Variants in RGS22 observed in about 807,000 individuals in gnomAD.
RGS22 encodes regulator of G-protein signaling 22.
A neutral mutation model predicts 172.9 loss-of-function variants in RGS22; 148 were observed. The ratio of observed to expected loss-of-function variants is 0.86; its 90% CI spans 0.75 to 0.98. The LOEUF is 0.98. Ranked by LOEUF, RGS22 falls within the 50% of genes least tolerant of loss-of-function variation. The probability of loss-of-function intolerance (pLI) is 0.00; values close to 1 mark genes in which losing one functional copy is unlikely to be tolerated. For synonymous variants in RGS22, 458 were observed against 480.2 expected (o/e 0.95, Z 0.60); for missense variants, 1,347 against 1,440.8 (o/e 0.93, Z 1.05).
intron 3 of RGS22, among the ~76,000 whole-genome samples, chr8:100,086,989 G>A (rs16897936): frequency 0.013 from 1,981 of 152,158 alleles, 38 homozygotes; most frequent in African/African-American, 0.041. Context: ...GGTGCCAGCC[G>A]TCTGTGTTTG....
At chr8:100,008,707 A>C (rs2131370503) in intron 14 of RGS22, 138 bp from the exon 15 acceptor site, 1 of 611,088 alleles carries the variant, frequency 1.6e-6, no homozygotes, top group Non-Finnish European at 2.8e-6. Context: ...AATATGGGTA[A>C]AACTACTTAA....
chr8:100,068,703 G>A (rs774170924), intron 6 of RGS22, among the ~76,000 whole-genome samples: 2 of 152,132 alleles, frequency 1.3e-5, no homozygotes, highest in Non-Finnish European at 2.9e-5. Context: ...AGGCTGAGGT[G>A]AGTGAATTGC....
chr8:100,051,514 T>C lies in RGS22; in HGVS notation c.1689+1288A>G, dbSNP rs1202410739. ...ATAATATATAATAAATATATATAAA[T>C]ATATTTTTATATATTTATACATATA... On this transcript the variant is annotated intron_variant, in intron 10 of 27. Transcript: ENST00000360863. Among the ~76,000 whole-genome samples, 2 of 108,568 alleles carry C rather than the reference T, an allele frequency of 1.8e-5. 1 individual carries two copies. Among genetic ancestry groups the C allele is most frequent in the Non-Finnish European group, 3.4e-5 (2 of 58,112 alleles). 71.2% of individuals were successfully genotyped at this position (108,568 alleles called of 152,430 possible). A position where few individuals can be genotyped will look rare whatever the true frequency, so the allele number is the denominator to read the frequency against.
chr8:100,015,615 C>T (rs79115923), intron 14 of RGS22, among the ~76,000 whole-genome samples: 2,920 of 152,162 alleles, frequency 0.019, 43 homozygotes, highest in Non-Finnish European at 0.032. Flanking sequence ...TAATAATATA[C>T]CATTCATAGT....
chr8:100,070,986 T>C (rs1393952951), intron 6 of RGS22, among the ~76,000 whole-genome samples: 4 of 141,200 alleles, frequency 2.8e-5, no homozygotes, highest in Non-Finnish European at 4.7e-5. Flanking sequence ...ACAAATGCTT[T>C]AAATGAGAAA....
At chr8:100,029,684 C>T (rs1288385788) in intron 14 of RGS22, among the ~76,000 whole-genome samples, 2 of 93,458 alleles carry the variant, frequency 2.1e-5, no homozygotes, top group African/African-American at 8.9e-5. Context: ...GCCTGGGCAA[C>T]AAGGCGAAAC....
In RGS22 at chr8:99,992,363, A is replaced by G. The variant is rs1404679522; in HGVS notation, c.3018+4099T>C. The stretch of plus-strand genomic sequence containing the variant: ...CAAGACCCATCAGTGTGCTGTATTC[A>G]GGAGACCCATCTCACATGCAAAGAC... On this transcript the variant is annotated intron_variant, in intron 20 of 27. Coordinates refer to ENST00000360863, the MANE Select transcript of RGS22 (RefSeq NM_015668.5). 2.0e-5 allele frequency among the ~76,000 whole-genome samples: 3 copies of G among 152,342 alleles called. No homozygotes were observed. The East Asian group carries it at 5.8e-4, about 29-fold the overall frequency.
intron 3 of RGS22, chr8:100,093,137 G>A (rs1055690642): frequency 3.4e-4 from 71 of 206,480 alleles, no homozygotes; most frequent in Middle Eastern, 1.9e-3. Flanking sequence ...GCATTCCAGC[G>A]TGGGCGACAG....
At chr8:100,011,890 A>G (rs1032188218) in intron 14 of RGS22, among the ~76,000 whole-genome samples, 1 of 152,178 alleles carries the variant, frequency 6.6e-6, no homozygotes, top group Non-Finnish European at 1.5e-5. Flanking sequence ...AAAACAATGG[A>G]AAGTACAAAT....
chr8:100,034,920 C>T (rs1819272864), intron 14 of RGS22, among the ~76,000 whole-genome samples: 1 of 152,154 alleles, frequency 6.6e-6, no homozygotes, highest in African/African-American at 2.4e-5. Context: ...AAAGCTGAAA[C>T]TGGATCCCCT....
chr8:100,033,398 A>AAATAAACT (rs1819066607), intron 14 of RGS22, among the ~76,000 whole-genome samples: 1 of 152,196 alleles, frequency 6.6e-6, no homozygotes, highest in African/African-American at 2.4e-5. Flanking sequence ...GCCTCTATGC[A>AAATAAACT]AATAAACTAG....
intron 13 of RGS22, among the ~76,000 whole-genome samples, chr8:100,039,357 A>C (rs1309484175): frequency 2.7e-5 from 4 of 148,814 alleles, no homozygotes; most frequent in Non-Finnish European, 5.9e-5. Context: ...ACATTACTCT[A>C]GTAATTGAAC....
At position 100,070,837 on chromosome 8, in the gene RGS22, G is replaced by A. The variant is rs561186604; in HGVS notation, c.594+532C>T. 5.3e-4 allele frequency among the ~76,000 whole-genome samples: 80 copies of A among 151,382 alleles called. 1 individual carries two copies. The South Asian group carries it at 0.016, about 30-fold the overall frequency. On this transcript the variant is annotated intron_variant, in intron 6 of 27. Coordinates refer to ENST00000360863, the MANE Select transcript of RGS22 (RefSeq NM_015668.5). The stretch of plus-strand genomic sequence containing the variant: ...TGGCCAGGTGTGGTAGCTTACGCCT[G>A]TAATCCCAGCACTTTGGGAGGCAGA...
Position 100,003,844 on chromosome 8 carries a change from A to C in RGS22, c.2627+82T>G, listed in dbSNP as rs1030637722. 2.5e-6 allele frequency: 3 copies of C among 1,218,554 alleles called. No individual in the cohort carries two copies. In the African/African-American group the frequency reaches 4.6e-5, roughly 19 times the overall value. The allele number at this position is 1,218,554 out of a possible 1,614,324, so 75.5% of individuals were successfully genotyped here. A position where few individuals can be genotyped will look rare whatever the true frequency, so the allele number is the denominator to read the frequency against. ...ATGAGTAAAATCTGTTATAGCACCAAATCACTTTTATAATATGTTGAATCA... is the reference window on the plus strand; with the variant it reads ...ATGAGTAAAATCTGTTATAGCACCACATCACTTTTATAATATGTTGAATCA... On this transcript the variant is annotated intron_variant, in intron 17 of 27. Coordinates refer to ENST00000360863, the MANE Select transcript of RGS22 (RefSeq NM_015668.5).
In RGS22 at chr8:100,004,030, C is replaced by T. The variant is rs749245555; in HGVS notation, c.2523G>A (p.Trp841Ter). ...LSNVSKRTEY[W>*]DNVPAEYKHF... ...GCTTGTATTCTGCAGGAACATTATC[C>T]CAATATTCTGTTCGTTTAGAGACGT... The change falls in exon 17 of 28, where the codon TGG becomes TGA. Residue 841 changes from tryptophan (W) to a stop codon, truncating the protein, a stop_gained. Coordinates refer to ENST00000360863, the MANE Select transcript of RGS22 (RefSeq NM_015668.5). LOFTEE classifies it high-confidence loss of function. 1 of 1,611,802 alleles carries T rather than the reference C, an allele frequency of 6.2e-7. No individual in the cohort carries two copies. Among genetic ancestry groups the T allele is most frequent in the Non-Finnish European group, 8.5e-7 (1 of 1,178,676 alleles).
intron 5 of RGS22, 33 bp downstream of exon 5, chr8:100,072,112 T>A (rs550449563): frequency 7.7e-7 from 1 of 1,302,456 alleles, no homozygotes; most frequent in African/African-American, 1.5e-5. Flanking sequence ...ATATATGTAT[T>A]TAAAAATACA....
intron 23 of RGS22, among the ~76,000 whole-genome samples, chr8:99,973,016 A>G (rs1811541393): frequency 6.6e-6 from 1 of 151,586 alleles, no homozygotes; most frequent in African/African-American, 2.4e-5. Flanking sequence ...AGGAAACAAT[A>G]GATGCTAGAG....
At chr8:100,050,510 A>G (rs1821165014) in intron 10 of RGS22, among the ~76,000 whole-genome samples, 1 of 152,180 alleles carries the variant, frequency 6.6e-6, no homozygotes, top group African/African-American at 2.4e-5. Flanking sequence ...ACCACATTAT[A>G]TATCTTCTGC....
intron 3 of RGS22, among the ~76,000 whole-genome samples, chr8:100,083,886 G>A (rs1487387860): frequency 3.7e-5 from 5 of 135,920 alleles, no homozygotes; most frequent in Admixed American, 7.9e-5. Context: ...TTGCTCTGTC[G>A]CCAGGCTGGA....
Sources: gnomAD v4.1 joint callset for allele counts (sites outside exome capture counted in the v4.1 genomes callset) on GRCh38, gnomAD v4.1.1 for gene constraint, MANE v1.5 for transcripts, NCBI Gene and HGNC (gene_info 2026-07-23, HGNC 2026-07-21) for gene names.